Variants in CYP1A2 observed in about 807,000 individuals in gnomAD.
CYP1A2 encodes cytochrome P450 1A2.
CYP1A2 carries 35 observed loss-of-function variants against 34.7 expected under a neutral mutation model. The ratio of observed to expected loss-of-function variants is 1.01; its 90% CI spans 0.77 to 1.34. CYP1A2 has a LOEUF of 1.34. Among genes scored for constraint, CYP1A2 ranks in the 40% most tolerant of loss-of-function variants. The pLI, the probability that CYP1A2 is intolerant of heterozygous loss-of-function variation, is 0.00. For missense variants in CYP1A2, 675 were observed against 675.8 expected, an observed-to-expected ratio of 1.00 and a Z score of 0.01; for synonymous variants, 288 against 281.9, an observed-to-expected ratio of 1.02 and a Z score of -0.22.
At chr15:74,752,647 C>T (rs1021641337) in intron 5 of CYP1A2, among the ~76,000 whole-genome samples, 3 of 152,164 alleles carry the variant, frequency 2.0e-5, no homozygotes, top group African/African-American at 4.8e-5. Flanking sequence ...GCTTCCTCTC[C>T]CCAGAAGCCT....
chr15:74,752,377 C>A, intron 5 of CYP1A2, 130 bp downstream of exon 5: 6 of 1,315,638 alleles, frequency 4.6e-6, no homozygotes, highest in Non-Finnish European at 6.3e-6. Flanking sequence ...CGGCCTCAGT[C>A]TGCCCCCATC....
Position 74,750,061 on chromosome 15 carries a change from G to A in CYP1A2, c.323G>A (p.Arg108Gln), listed in dbSNP as rs376179316. ...LVRQGDDFKG[R>Q]PDLYTSTLIT... ...CGGCAGGGCGACGATTTCAAGGGCC[G>A]GCCTGACCTCTACACCTCCACCCTC... Residue 108 changes from arginine to glutamine, a missense_variant, in exon 2 of 7, where the codon CGG (arginine) becomes CAG (glutamine). Transcript: ENST00000343932. The A allele has an allele frequency of 3.6e-5, 58 of 1,613,820 alleles. No individual in the cohort carries two copies. Among genetic ancestry groups the A allele is most frequent in the South Asian group, 8.8e-5 (8 of 91,080 alleles).
In CYP1A2 at chr15:74,754,938, G is replaced by A; in HGVS notation, c.1401G>A (p.Glu467=). 1 of 1,614,246 alleles carries A rather than the reference G, an allele frequency of 6.2e-7. No individual in the cohort carries two copies. Among genetic ancestry groups the A allele is most frequent in the Non-Finnish European group, 8.5e-7 (1 of 1,180,040 alleles). ...TCGGGGAAGTCCTGGCCAAGTGGGA[G>A]ATCTTCCTCTTCCTGGCCATCCTGC... is the stretch of plus-strand genomic sequence containing the variant. The part of the protein sequence containing the change: ...RCIGEVLAKW[E]IFLFLAILLQ... Residue 467 remains glutamate (E), a synonymous_variant, in exon 7 of 7, where the codon GAG becomes GAA. Coordinates refer to ENST00000343932, the MANE Select transcript of CYP1A2 (RefSeq NM_000761.5).
Position 74,750,069 on chromosome 15 carries a change from C to T in CYP1A2, c.331C>T (p.Leu111Phe), listed in dbSNP as rs45442197. 5.6e-5 allele frequency: 90 copies of T among 1,613,986 alleles called. 1 individual carries two copies. In the African/African-American group the frequency reaches 1.1e-3, roughly 20 times the overall value. ...QGDDFKGRPD[L>F]YTSTLITDGQ... ...CGACGATTTCAAGGGCCGGCCTGAC[C>T]TCTACACCTCCACCCTCATCACTGA... is the stretch of plus-strand genomic sequence containing the variant. Residue 111 changes from leucine to phenylalanine, a missense_variant, in exon 2 of 7, where the codon CTC (leucine) becomes TTC (phenylalanine). By Grantham distance (22) the Leu-to-Phe change is conservative. Coordinates refer to ENST00000343932, the MANE Select transcript of CYP1A2 (RefSeq NM_000761.5).
chr15:74,753,295 A>G (rs1232922722), intron 6 of CYP1A2, 25 bp downstream of exon 6: 1 of 1,594,344 alleles, frequency 6.3e-7, no homozygotes, highest in East Asian at 2.2e-5. Context: ...CTCACGAAAA[A>G]ATGTGTGCAG....
rs774711732 is a variant in CYP1A2, at chr15:74,750,120, G to A, written c.382G>A (p.Asp128Asn). 6.2e-6 allele frequency: 10 copies of A among 1,614,028 alleles called. No individual in the cohort carries two copies. The highest frequency in any genetic ancestry group is 7.6e-6 in the Non-Finnish European group (9 of 1,180,034). The part of the protein sequence containing the change: ...TDGQSLTFST[D>N]SGPVWAARRR... ...TGGCCAGAGCTTGACCTTCAGCACA[G>A]ACTCTGGACCGGTGTGGGCTGCCCG... The change falls in exon 2 of 7, where the codon GAC (aspartate) becomes AAC (asparagine). Residue 128 changes from aspartate (D) to asparagine (N), a missense_variant. Asp to Asn is a conservative substitution (Grantham distance 23, BLOSUM62 1). Coordinates refer to ENST00000343932, the MANE Select transcript of CYP1A2 (RefSeq NM_000761.5).
Position 74,751,804 on chromosome 15 carries a change from T to A in CYP1A2, c.992T>A (p.Met331Lys). 6.2e-7 allele frequency: 1 copy of A among 1,614,162 alleles called. No individual in the cohort carries two copies. ...TVTTAISWSL[M>K]YLVTKPEIQR... ...ACCACAGCCATCTCCTGGAGCCTCA[T>A]GTACCTTGTGACCAAGCCTGAGATA... The change falls in exon 4 of 7, where the codon ATG becomes AAG. Residue 331 changes from methionine to lysine, a missense_variant. By Grantham distance (95) the Met-to-Lys change is moderately conservative. Coordinates refer to ENST00000343932, the MANE Select transcript of CYP1A2 (RefSeq NM_000761.5).
chr15:74,753,864 A>G (rs1261390484), intron 6 of CYP1A2, among the ~76,000 whole-genome samples: 1 of 152,176 alleles, frequency 6.6e-6, no homozygotes, highest in Non-Finnish European at 1.5e-5. Context: ...TCTCTTTGGA[A>G]AGCCCCACTT....
At position 74,756,179 on chromosome 15, in the gene CYP1A2, A is replaced by G. The variant is rs1159035919; in HGVS notation, c.*1091A>G. On this transcript the variant is annotated 3_prime_UTR_variant, in exon 7 of 7. Coordinates refer to ENST00000343932, the MANE Select transcript of CYP1A2 (RefSeq NM_000761.5). The stretch of plus-strand genomic sequence containing the variant: ...GTCTCCTAAGCTGGAGTGCAGTGGC[A>G]TCATCTCAGCTCACTGCAACCTCTG... 2 of 142,148 alleles carry G rather than the reference A, an allele frequency of 1.4e-5. No individual in the cohort carries two copies. The highest frequency in any genetic ancestry group is 5.3e-5 in the African/African-American group (2 of 37,574). The allele number at this position is 142,148 out of a possible 1,614,324, so 8.8% of individuals were successfully genotyped here.
Position 74,749,956 on chromosome 15 carries a change from G to A in CYP1A2, c.218G>A (p.Gly73Glu), listed in dbSNP as rs780755833. 3 of 1,613,932 alleles carry A rather than the reference G, an allele frequency of 1.9e-6. No individual in the cohort carries two copies. The South Asian group carries it at 3.3e-5, about 18-fold the overall frequency. ...CTGTCAAGGATGAGCCAGCGCTACG[G>A]GGACGTCCTGCAGATCCGCATTGGC... is the stretch of plus-strand genomic sequence containing the variant. ...LALSRMSQRY[G>E]DVLQIRIGST... Residue 73 changes from glycine (G) to glutamate (E), a missense_variant, in exon 2 of 7, where the codon GGG (glycine) becomes GAG (glutamate). Transcript: ENST00000343932.
Position 74,752,205 on chromosome 15 carries a change from C to T in CYP1A2, c.1124C>T (p.Thr375Ile), listed in dbSNP as rs2063319095. Residue 375 changes from threonine (T) to isoleucine (I), a missense_variant, in exon 5 of 7, where the codon ACC (threonine) becomes ATC (isoleucine). Thr to Ile is a moderately conservative substitution (Grantham distance 89). Transcript: ENST00000343932. ...LPYLEAFILETFRHSSFLPFT... is the reference protein window; with the variant it reads ...LPYLEAFILEIFRHSSFLPFT... ...TACTTGGAGGCCTTCATCCTGGAGA[C>T]CTTCCGACACTCCTCCTTCTTGCCC... 2 of 1,614,050 alleles carry T rather than the reference C, an allele frequency of 1.2e-6. No individual in the cohort carries two copies. Among genetic ancestry groups the T allele is most frequent in the Admixed American group, 1.7e-5 (1 of 60,006 alleles).
At chr15:74,751,542 G>A (rs569902104) in intron 3 of CYP1A2, among the ~76,000 whole-genome samples, 1 of 152,304 alleles carries the variant, frequency 6.6e-6, no homozygotes, top group South Asian at 2.1e-4. Context: ...GAACAATAAG[G>A]TGTTCTCTGG....
Position 74,754,807 on chromosome 15 carries a change from C to T in CYP1A2, c.1270C>T (p.Pro424Ser). 1 of 1,612,068 alleles carries T rather than the reference C, an allele frequency of 6.2e-7. No individual in the cohort carries two copies. Among genetic ancestry groups the T allele is most frequent in the Non-Finnish European group, 8.5e-7 (1 of 1,178,216 alleles). Residue 424 changes from proline (P) to serine (S), a missense_variant, in exon 7 of 7, where the codon CCC becomes TCC. By Grantham distance (74) the Pro-to-Ser change is moderately conservative (BLOSUM62 -1). Coordinates refer to ENST00000343932, the MANE Select transcript of CYP1A2 (RefSeq NM_000761.5). Reference sequence around the variant, plus strand: ...CTCTTGCAGAGAGCTGTGGGAGGACCCCTCTGAGTTCCGGCCTGAGCGGTT... The same window carrying T: ...CTCTTGCAGAGAGCTGTGGGAGGACTCCTCTGAGTTCCGGCCTGAGCGGTT... The part of the protein sequence containing the change: ...VNHDPELWED[P>S]SEFRPERFLT...
At chr15:74,752,870 CTTTTTTT>C (rs4646426) in intron 5 of CYP1A2, among the ~76,000 whole-genome samples, 3 of 96,200 alleles carry the variant, frequency 3.1e-5, no homozygotes, top group African/African-American at 8.2e-5. Context: ...CTGCCTGCTG[CTTTTTTT>C]TTTTTTTTTT....
At chr15:74,751,369 C>T (rs1567205825) in intron 3 of CYP1A2, 60 bp downstream of exon 3, 40 of 1,601,162 alleles carry the variant, frequency 2.5e-5, no homozygotes, top group Non-Finnish European at 3.2e-5. Context: ...CACAGCCTTG[C>T]CCAGCCCCTC....
At chr15:74,753,037 T>TTCTACC (rs2063323596) in intron 5 of CYP1A2, 147 bp from the exon 6 acceptor site, 1 of 582,224 alleles carries the variant, frequency 1.7e-6, no homozygotes, top group African/African-American at 1.9e-5. Flanking sequence ...GGGAGGATGT[T>TTCTACC]TCTACCTCTT....
In CYP1A2 at chr15:74,750,047, C is replaced by T. The variant is rs764447434; in HGVS notation, c.309C>T (p.Asp103=). The T allele has an allele frequency of 1.2e-5, 19 of 1,613,844 alleles. 1 individual carries two copies. Among genetic ancestry groups the T allele is most frequent in the East Asian group, 4.5e-5 (2 of 44,884 alleles). The change falls in exon 2 of 7, where the codon GAC becomes GAT. Residue 103 remains aspartate (D), a synonymous_variant. Coordinates refer to ENST00000343932, the MANE Select transcript of CYP1A2 (RefSeq NM_000761.5). ...GGCAGGCCCTGGTGCGGCAGGGCGA[C>T]GATTTCAAGGGCCGGCCTGACCTCT... ...TIRQALVRQG[D]DFKGRPDLYT...
intron 6 of CYP1A2, among the ~76,000 whole-genome samples, chr15:74,754,463 G>A (rs967730236): frequency 4.7e-5 from 7 of 150,512 alleles, no homozygotes; most frequent in East Asian, 1.9e-4. Flanking sequence ...AAAATTAGCC[G>A]GATATGGTGC....
intron 2 of CYP1A2, among the ~76,000 whole-genome samples, chr15:74,750,909 G>T (rs938683103): frequency 6.6e-6 from 1 of 152,194 alleles, no homozygotes; most frequent in Non-Finnish European, 1.5e-5. Flanking sequence ...CCCAGCTCTG[G>T]TGTCACGTTG....
Sources: allele counts gnomAD v4.1 joint callset (sites outside exome capture counted in the v4.1 genomes callset), GRCh38; gene constraint gnomAD v4.1.1; transcripts MANE v1.5; gene names NCBI Gene and HGNC (gene_info 2026-07-23, HGNC 2026-07-21).